The following MASTL variants were observed in gnomAD, a reference collection of about 807,000 sequenced individuals.
The protein encoded by MASTL is serine/threonine-protein kinase greatwall.
In MASTL, 54 loss-of-function variants were observed where a neutral mutation model predicts 82.5. That is an observed-to-expected ratio of 0.65 (90% confidence interval 0.53 to 0.82). The LOEUF (loss-of-function observed/expected upper bound fraction) is 0.82. Among genes scored for constraint, MASTL ranks in the 40% least tolerant of loss-of-function variants. The probability of loss-of-function intolerance (pLI) is 0.00; values close to 1 mark genes in which losing one functional copy is unlikely to be tolerated. For missense variants in MASTL, 950 were observed against 1,047.8 expected (o/e 0.91, Z 1.29); for synonymous variants, 323 against 368.9 (o/e 0.88, Z 1.43).
At position 27,170,489 on chromosome 10, in the gene MASTL, C is replaced by T. The variant is rs773879779; in HGVS notation, c.1530C>T (p.Val510=). The T allele has an allele frequency of 1.7e-5, 27 of 1,613,862 alleles. No individual in the cohort carries two copies. In the South Asian group the frequency reaches 2.3e-4, roughly 14 times the overall value. Reference sequence around the variant, plus strand: ...ACTGTGCTAATAAGGAGAACATTGTCAATTCTTTTACTGATAAACAACAAA... The same window carrying T: ...ACTGTGCTAATAAGGAGAACATTGTTAATTCTTTTACTGATAAACAACAAA... ...QNDCANKENI[V]NSFTDKQQTP... The change falls in exon 8 of 12, where the codon GTC becomes GTT. Residue 510 remains valine, a synonymous_variant. Coordinates refer to ENST00000375940, the MANE Select transcript of MASTL (RefSeq NM_001172303.3).
intron 7 of MASTL, among the ~76,000 whole-genome samples, chr10:27,168,071 A>G (rs1295171825): frequency 6.6e-6 from 1 of 152,230 alleles, no homozygotes; most frequent in East Asian, 1.9e-4. Context: ...GGATAACACT[A>G]ATATCCAAAG....
At chr10:27,156,726 G>A (rs539632993) in intron 1 of MASTL, among the ~76,000 whole-genome samples, 44 of 151,332 alleles carry the variant, frequency 2.9e-4, no homozygotes, top group African/African-American at 1.0e-3. Context: ...GGTTATGTTG[G>A]CCAGGCTGGT....
At chr10:27,181,089 G>T (rs764241686) in intron 10 of MASTL, 23 bp downstream of exon 10, 20 of 1,509,356 alleles carry the variant, frequency 1.3e-5, no homozygotes, top group Non-Finnish European at 1.6e-5. Flanking sequence ...CTCCTATTAA[G>T]ATAGTCATTT....
intron 9 of MASTL, among the ~76,000 whole-genome samples, chr10:27,174,775 G>A (rs1247330505): frequency 6.6e-6 from 1 of 152,026 alleles, no homozygotes; most frequent in Non-Finnish European, 1.5e-5. Context: ...TCTTACTCCA[G>A]TATGACCTCA....
At position 27,155,596 on chromosome 10, in the gene MASTL, A is replaced by G. The variant is rs1428741323; in HGVS notation, c.170A>G (p.Lys57Arg). 1.2e-6 allele frequency: 2 copies of G among 1,614,062 alleles called. No homozygotes were observed. Among genetic ancestry groups the G allele is most frequent in the Non-Finnish European group, 1.7e-6 (2 of 1,180,016 alleles). ...GTGTATCTGGGGCAGAAAGGCGGCA[A>G]ATTGTATGCAGTAAAGGTAGGAAGT... Reference protein sequence around the residue: ...GKVYLGQKGGKLYAVKVVKKA... With the variant: ...GKVYLGQKGGRLYAVKVVKKA... Residue 57 changes from lysine (K) to arginine (R), a missense_variant, in exon 1 of 12, where the codon AAA (lysine) becomes AGA (arginine). Transcript: ENST00000375940.
At chr10:27,175,434 G>A (rs1037512475) in intron 9 of MASTL, among the ~76,000 whole-genome samples, 36 of 152,010 alleles carry the variant, frequency 2.4e-4, no homozygotes, top group Non-Finnish European at 4.3e-4. Context: ...TGCCTGCCTT[G>A]GCCTTCTGAA....
At chr10:27,178,673 ATTT>A (rs558936982) in intron 9 of MASTL, among the ~76,000 whole-genome samples, 3 of 143,178 alleles carry the variant, frequency 2.1e-5, no homozygotes, top group Admixed American at 7.1e-5. Context: ...GAAATCATGT[ATTT>A]TTTTTTTTTT....
At chr10:27,156,829 ATT>A (rs10660334) in intron 1 of MASTL, among the ~76,000 whole-genome samples, 25 of 122,332 alleles carry the variant, frequency 2.0e-4, no homozygotes, top group South Asian at 2.7e-4. Flanking sequence ...CCTGCTATGA[ATT>A]TTTTTTTTTT....
At chr10:27,173,957 A>G (rs1198090261) in intron 9 of MASTL, among the ~76,000 whole-genome samples, 2 of 152,282 alleles carry the variant, frequency 1.3e-5, no homozygotes, top group South Asian at 2.1e-4. Context: ...ATTTCTGTTC[A>G]GTCTTCAGAA....
intron 1 of MASTL, among the ~76,000 whole-genome samples, chr10:27,156,063 G>A (rs2057360530): frequency 6.6e-6 from 1 of 152,048 alleles, no homozygotes; most frequent in East Asian, 1.9e-4. Flanking sequence ...GGAGTGCAGT[G>A]GCGCAATCTC....
At chr10:27,185,150 G>C (rs1320678573) in intron 11 of MASTL, among the ~76,000 whole-genome samples, 1 of 152,136 alleles carries the variant, frequency 6.6e-6, no homozygotes, top group Non-Finnish European at 1.5e-5. Flanking sequence ...AAAGGGAGAA[G>C]GGGGTGAGCT....
At position 27,155,551 on chromosome 10, in the gene MASTL, G is replaced by A. The variant is rs1204583211; in HGVS notation, c.125G>A (p.Ser42Asn). ...IEEFSIVKPI[S>N]RGAFGKVYLG... The stretch of plus-strand genomic sequence containing the variant: ...GAATTCAGCATAGTGAAGCCCATTA[G>A]CCGGGGCGCCTTCGGGAAAGTGTAT... Residue 42 changes from serine (S) to asparagine (N), a missense_variant, in exon 1 of 12, where the codon AGC (serine) becomes AAC (asparagine). Ser to Asn is a conservative substitution (Grantham distance 46, BLOSUM62 1). Transcript: ENST00000375940. The A allele has an allele frequency of 1.9e-6, 3 of 1,614,214 alleles. No individual in the cohort carries two copies. In the Admixed American group the frequency reaches 5.0e-5, roughly 27 times the overall value.
Position 27,165,092 on chromosome 10 carries a change from A to G in MASTL, c.582A>G (p.Thr194=). 6.2e-7 allele frequency: 1 copy of G among 1,609,140 alleles called. No homozygotes were observed. The highest frequency in any genetic ancestry group is 1.1e-5 in the South Asian group (1 of 90,960). ...RDINMMDILT[T]PSMAKPRQDY... ...TTAATATGATGGATATCCTTACAAC[A>G]CCATCAATGGCAAAACCTAGACAAG... Residue 194 remains threonine, a synonymous_variant, in exon 5 of 12, where the codon ACA becomes ACG. Transcript: ENST00000375940.
chr10:27,164,044 G>A (rs1293442092), intron 4 of MASTL, among the ~76,000 whole-genome samples: 1 of 150,332 alleles, frequency 6.7e-6, no homozygotes, highest in East Asian at 2.0e-4. Flanking sequence ...AGGCTCAAGC[G>A]ATTCTTGTCC....
At chr10:27,157,629 A>ATTTT (rs2057435199) in intron 1 of MASTL, among the ~76,000 whole-genome samples, 1 of 152,006 alleles carries the variant, frequency 6.6e-6, no homozygotes, top group South Asian at 2.1e-4. Context: ...CTCCAACTTT[A>ATTTT]TTTTTATTTA....
rs200347590 is a variant in MASTL at position 27,170,030 on chromosome 10, G to T, written c.1071G>T (p.Thr357=). The change falls in exon 8 of 12, where the codon ACG becomes ACT. Residue 357 remains threonine, a synonymous_variant. Transcript: ENST00000375940. ...LCAKSANAIE[T]KGFNKKDLEL... ...CAAAATCTGCAAATGCCATTGAGAC[G>T]AAAGGTTTCAATAAAAAGGATCTGG... is the stretch of plus-strand genomic sequence containing the variant. 26 of 1,613,988 alleles carry T rather than the reference G, an allele frequency of 1.6e-5. No individual in the cohort carries two copies. Among genetic ancestry groups the T allele is most frequent in the East Asian group, 1.3e-4 (6 of 44,896 alleles).
rs921352601 is a variant in MASTL, at chr10:27,187,437, C to A, written c.*901C>A. Among the ~76,000 whole-genome samples the A allele has an allele frequency of 1.3e-5, 2 of 152,140 alleles. No homozygotes were observed. Among genetic ancestry groups the A allele is most frequent in the Non-Finnish European group, 2.9e-5 (2 of 68,022 alleles). Reference sequence around the variant, plus strand: ...ACCTTAATTTCTATTGGTGCGTAGTCCACAATATGTATTTGTTTAAAATGG... The same window carrying A: ...ACCTTAATTTCTATTGGTGCGTAGTACACAATATGTATTTGTTTAAAATGG... On this transcript the variant is annotated 3_prime_UTR_variant, in exon 12 of 12. Transcript: ENST00000375940.
intron 4 of MASTL, among the ~76,000 whole-genome samples, chr10:27,163,177 A>G (rs1355704856): frequency 1.3e-5 from 2 of 152,106 alleles, no homozygotes; most frequent in African/African-American, 4.8e-5. Flanking sequence ...TCGGCCTCCC[A>G]AAGTGCTAGG....
At chr10:27,156,869 C>A (rs973227227) in intron 1 of MASTL, among the ~76,000 whole-genome samples, 1 of 129,032 alleles carries the variant, frequency 7.8e-6, no homozygotes, top group Non-Finnish European at 1.6e-5. Context: ...TTCACAGTGA[C>A]GTGATCTCAG....
Sources: gnomAD v4.1 joint callset for allele counts (sites outside exome capture counted in the v4.1 genomes callset) on GRCh38, gnomAD v4.1.1 for gene constraint, MANE v1.5 for transcripts, NCBI Gene and HGNC (gene_info 2026-07-23, HGNC 2026-07-21) for gene names.